Variants in DOP1B observed in about 807,000 individuals in gnomAD.
DOP1B encodes protein DOP1B.
A neutral mutation model predicts 233.5 loss-of-function variants in DOP1B; 174 were observed. The ratio of observed to expected loss-of-function variants is 0.75; its 90% CI spans 0.66 to 0.85. The LOEUF (loss-of-function observed/expected upper bound fraction) is 0.85, where lower values mean the gene tolerates loss of function less well. Among genes scored for constraint, DOP1B ranks in the 40% least tolerant of loss-of-function variants. The pLI is 0.00. For synonymous variants in DOP1B, 1,190 were observed against 1,185.6 expected, an observed-to-expected ratio of 1.00 and a Z score of -0.08; for missense variants, 2,652 against 2,846.6, an observed-to-expected ratio of 0.93 and a Z score of 1.56.
At chr21:36,281,734 C>G (rs1295005401) in intron 32 of DOP1B, 123 bp downstream of exon 32, 1 of 899,388 alleles carries the variant, frequency 1.1e-6, no homozygotes, top group Non-Finnish European at 1.6e-6. Context: ...ATATCCAGGG[C>G]TGGCGTCTGG....
chr21:36,209,063 A>G (rs747125751), intron 5 of DOP1B, among the ~76,000 whole-genome samples, 159 bp downstream of exon 5: 21 of 152,332 alleles, frequency 1.4e-4, no homozygotes, highest in Admixed American at 2.6e-4. Context: ...GGCGAGAAGG[A>G]GGCCTTGTGC....
At chr21:36,265,520 G>A (rs185436391) in intron 26 of DOP1B, among the ~76,000 whole-genome samples, 20 of 152,354 alleles carry the variant, frequency 1.3e-4, no homozygotes, top group African/African-American at 4.6e-4. Context: ...TGCACGTCCA[G>A]GTGCTGGGAT....
intron 24 of DOP1B, chr21:36,261,035 C>T (rs1465518964): frequency 1.8e-6 from 2 of 1,116,984 alleles, no homozygotes; most frequent in Non-Finnish European, 2.2e-6. Context: ...AAGAAAAAAA[C>T]CACATATAGG....
chr21:36,255,341 C>T (rs1025898944), intron 23 of DOP1B, among the ~76,000 whole-genome samples: 152 of 151,748 alleles, frequency 1.0e-3, no homozygotes, highest in African/African-American at 3.5e-3. Context: ...CGGGATTTTG[C>T]TATGTTGGCC....
At chr21:36,280,848 A>G (rs1242652829) in intron 31 of DOP1B, among the ~76,000 whole-genome samples, 2 of 151,752 alleles carry the variant, frequency 1.3e-5, no homozygotes, top group African/African-American at 4.8e-5. Flanking sequence ...CTAAAAATAC[A>G]AAAAATAGCC....
At chr21:36,217,074 CA>C (rs11353414) in intron 9 of DOP1B, among the ~76,000 whole-genome samples, 62,304 of 99,838 alleles carry the variant, frequency 0.62, 17,735 homozygotes, top group East Asian at 0.77. Flanking sequence ...GACTCCATCT[CA>C]AAAAAAAAAA....
At chr21:36,241,972 G>A (rs2066896867) in intron 18 of DOP1B, among the ~76,000 whole-genome samples, 1 of 151,602 alleles carries the variant, frequency 6.6e-6, no homozygotes, top group Non-Finnish European at 1.5e-5. Context: ...GGGAAAAGCT[G>A]GCTGCCCTAT....
intron 2 of DOP1B, among the ~76,000 whole-genome samples, chr21:36,171,231 G>GGAAA (rs2065969455): frequency 6.6e-6 from 1 of 152,158 alleles, no homozygotes; most frequent in African/African-American, 2.4e-5. Context: ...TTACGTAAGG[G>GGAAA]GAAAGGGCTG....
intron 24 of DOP1B, among the ~76,000 whole-genome samples, chr21:36,263,277 C>T (rs1016270692): frequency 6.7e-6 from 1 of 148,680 alleles, no homozygotes; most frequent in Admixed American, 6.7e-5. Context: ...CAAGGTCGAT[C>T]ATCTAATTTA....
At position 36,259,580 on chromosome 21, in the gene DOP1B, A is replaced by C. The variant is rs558189312; in HGVS notation, c.5260-1097A>C. Among the ~76,000 whole-genome samples the C allele has an allele frequency of 4.8e-4, 73 of 152,026 alleles. 4 individuals are homozygous for C. The South Asian group carries it at 0.015, about 32-fold the overall frequency. On this transcript the variant is annotated intron_variant, in intron 23 of 36. Transcript: ENST00000691173. ...GAGCCACCGTGCCTGGCCTCCTTTC[A>C]TTCTTGTCCATAAATGTTAGGAGTG...
rs375729449 is a variant in DOP1B at position 36,176,097 on chromosome 21, C to CGTGTGCGTATGT, written c.138+11231_138+11232insCGTATGTGTGTG. Among the ~76,000 whole-genome samples the CGTGTGCGTATGT allele has an allele frequency of 1.1e-3, 154 of 141,846 alleles. 2 individuals are homozygous for CGTGTGCGTATGT. The highest frequency in any genetic ancestry group is 3.5e-3 in the Middle Eastern group (1 of 282). The allele number at this position is 141,846 out of a possible 152,430, so 93.1% of individuals were successfully genotyped here. A position where few individuals can be genotyped will look rare whatever the true frequency, so the allele number is the denominator to read the frequency against. ...GAGCTTCGACTTTGGGGTGTGTGTG[C>CGTGTGCGTATGT]GTGTGTGTGTGTGTGTGTGTGTGTG... is the stretch of plus-strand genomic sequence containing the variant. On this transcript the variant is annotated intron_variant, in intron 2 of 36. Coordinates refer to ENST00000691173, the MANE Select transcript of DOP1B (RefSeq NM_001320714.2).
intron 27 of DOP1B, among the ~76,000 whole-genome samples, chr21:36,273,808 G>T (rs1307958557): frequency 2.6e-5 from 4 of 152,050 alleles, no homozygotes; most frequent in Admixed American, 1.3e-4. Context: ...GGGCACAGTG[G>T]CTCACACCTG....
At chr21:36,189,125 GT>G (rs1315355168) in intron 2 of DOP1B, among the ~76,000 whole-genome samples, 1 of 152,150 alleles carries the variant, frequency 6.6e-6, no homozygotes, top group Non-Finnish European at 1.5e-5. Context: ...ATACTGTCAG[GT>G]TGTGTAAAGT....
At chr21:36,162,903 A>G (rs1447535525) in intron 1 of DOP1B, among the ~76,000 whole-genome samples, 1 of 152,074 alleles carries the variant, frequency 6.6e-6, no homozygotes, top group Non-Finnish European at 1.5e-5. Context: ...AGAGAGGTAG[A>G]TGGGAAACAA....
At chr21:36,186,807 G>A (rs2066170298) in intron 2 of DOP1B, among the ~76,000 whole-genome samples, 1 of 152,134 alleles carries the variant, frequency 6.6e-6, no homozygotes. Flanking sequence ...AGGATTCCAG[G>A]TTTCAGAAAT....
intron 17 of DOP1B, among the ~76,000 whole-genome samples, chr21:36,239,289 A>C (rs776009335): frequency 6.6e-6 from 1 of 152,104 alleles, no homozygotes; most frequent in Non-Finnish European, 1.5e-5. Context: ...GCATGCCCCT[A>C]TGAGGGGACT....
chr21:36,232,299 G>T lies in DOP1B; in HGVS notation c.2351-505G>T, dbSNP rs118112970. The stretch of plus-strand genomic sequence containing the variant: ...TGCCTGGCCAATATTTTATATATTG[G>T]TTTGCTAGGGCTCCTCTAACAAAGT... On this transcript the variant is annotated intron_variant, in intron 14 of 36. Coordinates refer to ENST00000691173, the MANE Select transcript of DOP1B (RefSeq NM_001320714.2). Among the ~76,000 whole-genome samples, 7 of 152,288 alleles carry T rather than the reference G, an allele frequency of 4.6e-5. No individual in the cohort carries two copies. The East Asian group carries it at 1.4e-3, about 29-fold the overall frequency.
chr21:36,231,191 C>G (rs1431625057), intron 14 of DOP1B, 57 bp downstream of exon 14: 1 of 1,523,182 alleles, frequency 6.6e-7, no homozygotes. Context: ...AGGCGATTGA[C>G]GTGGGTGGAA....
intron 10 of DOP1B, among the ~76,000 whole-genome samples, chr21:36,221,011 A>G (rs1271085584): frequency 6.6e-6 from 1 of 152,020 alleles, no homozygotes; most frequent in African/African-American, 2.4e-5. Context: ...AGGTCTTGCT[A>G]TGTTGCACAG....
Sources: allele counts gnomAD v4.1 joint callset (sites outside exome capture counted in the v4.1 genomes callset), GRCh38; gene constraint gnomAD v4.1.1; transcripts MANE v1.5; gene names NCBI Gene and HGNC (gene_info 2026-07-23, HGNC 2026-07-21).